GARRE1: variants seen among roughly 807,000 people sequenced by gnomAD.
The protein encoded by GARRE1 is granule associated Rac and RHOG effector 1, also known as granule associated Rac and RHOG effector protein 1.
In GARRE1, 49 loss-of-function variants were observed where a neutral mutation model predicts 103.2. The observed-to-expected ratio is 0.47, with a 90% CI of 0.38 to 0.60. GARRE1 has a LOEUF of 0.60. Among genes scored for constraint, GARRE1 ranks in the 20% least tolerant of loss-of-function variants. The probability of loss-of-function intolerance (pLI) is 0.00; values close to 1 mark genes in which losing one functional copy is unlikely to be tolerated. For missense variants in GARRE1, 1,199 were observed against 1,370.5 expected (o/e 0.87, Z 1.98); for synonymous variants, 505 against 532.8 (o/e 0.95, Z 0.72).
intron 3 of GARRE1, among the ~76,000 whole-genome samples, chr19:34,320,715 C>A (rs2074083194): frequency 2.7e-5 from 4 of 149,900 alleles, no homozygotes; most frequent in African/African-American, 5.0e-5. Flanking sequence ...TTAAGTTTTT[C>A]TTTTTCTTTT....
At chr19:34,256,282 C>G (rs1188169010) in intron 1 of GARRE1, among the ~76,000 whole-genome samples, 7 of 151,184 alleles carry the variant, frequency 4.6e-5, no homozygotes, top group Admixed American at 4.6e-4. Context: ...GAGGCCGAGG[C>G]GGGCGGATCA....
At chr19:34,340,758 A>G (rs2074181956) in intron 9 of GARRE1, among the ~76,000 whole-genome samples, 1 of 152,106 alleles carries the variant, frequency 6.6e-6, no homozygotes, top group South Asian at 2.1e-4. Flanking sequence ...CCTGACCTCA[A>G]GTGCCTGCCT....
At position 34,320,093 on chromosome 19, in the gene GARRE1, C is replaced by A; in HGVS notation, c.682C>A (p.Arg228=). Residue 228 remains arginine, a synonymous_variant, in exon 3 of 14, where the codon CGG becomes AGG. Transcript: ENST00000299505. The part of the protein sequence containing the change: ...GHTPEVEEAV[R]SWRGAAEATS... Reference sequence around the variant, plus strand: ...CACACCTGAAGTAGAGGAAGCTGTGCGGTCCTGGCGGGGGGCTGCTGAGGT... The same window carrying A: ...CACACCTGAAGTAGAGGAAGCTGTGAGGTCCTGGCGGGGGGCTGCTGAGGT... 6.2e-7 allele frequency: 1 copy of A among 1,614,010 alleles called. No homozygotes were observed. The highest frequency in any genetic ancestry group is 1.3e-5 in the African/African-American group (1 of 75,056).
Position 34,300,771 on chromosome 19 carries a change from CT to C in GARRE1, c.299del (p.Leu100ProfsTer32). Reference sequence around the variant, plus strand: ...CCGTGCCAGTACTTTCCTCACAGATCTCTTCAGCACTGTGTTCAGGAACTCT... The same window carrying C: ...CCGTGCCAGTACTTTCCTCACAGATCCTTCAGCACTGTGTTCAGGAACTCT... Reference protein sequence around the residue: ...FCRASTFLTDLFSTVFRNSHY... With the variant: ...FCRASTFLTDXFSTVFRNSHY... On this transcript the variant is annotated frameshift_variant, in exon 2 of 14. Coordinates refer to ENST00000299505, the MANE Select transcript of GARRE1 (RefSeq NM_014686.5). LOFTEE classifies it high-confidence loss of function. 1.2e-6 allele frequency: 2 copies of C among 1,614,242 alleles called. No individual in the cohort carries two copies. The highest frequency in any genetic ancestry group is 1.7e-5 in the Admixed American group (1 of 60,034).
intron 2 of GARRE1, among the ~76,000 whole-genome samples, chr19:34,303,372 C>T (rs2145244517): frequency 6.6e-6 from 1 of 152,212 alleles, no homozygotes. Context: ...TATTTAGGTG[C>T]CTGAATAAGC....
intron 2 of GARRE1, among the ~76,000 whole-genome samples, chr19:34,305,093 G>A (rs1043048311): frequency 2.6e-5 from 4 of 152,174 alleles, no homozygotes; most frequent in Non-Finnish European, 1.5e-5. Context: ...TGCCCGGCGG[G>A]CTTGTCATAA....
chr19:34,319,393 C>T (rs2074074810), intron 2 of GARRE1, among the ~76,000 whole-genome samples: 1 of 152,154 alleles, frequency 6.6e-6, no homozygotes, highest in Admixed American at 6.5e-5. Flanking sequence ...GGAATGATGA[C>T]ATACAACTAT....
At chr19:34,295,743 C>T (rs1265888719) in intron 1 of GARRE1, among the ~76,000 whole-genome samples, 8 of 152,098 alleles carry the variant, frequency 5.3e-5, no homozygotes, top group Admixed American at 5.2e-4. Context: ...GTTGTTCAGA[C>T]TAGTCTCAAA....
intron 2 of GARRE1, among the ~76,000 whole-genome samples, chr19:34,313,633 A>G (rs752742952): frequency 9.9e-5 from 15 of 152,148 alleles, no homozygotes; most frequent in Admixed American, 2.0e-4. Context: ...TCAGTTTATC[A>G]ATAGTATTCT....
chr19:34,346,332 C>T (rs1354177070), intron 10 of GARRE1, among the ~76,000 whole-genome samples: 1 of 152,142 alleles, frequency 6.6e-6, no homozygotes, highest in African/African-American at 2.4e-5. Context: ...TGTATATCCC[C>T]GTTCAGCATT....
rs1300503405 is a variant in GARRE1 at position 34,353,023 on chromosome 19, C to T, written c.*68C>T. On this transcript the variant is annotated 3_prime_UTR_variant, in exon 14 of 14. Coordinates refer to ENST00000299505, the MANE Select transcript of GARRE1 (RefSeq NM_014686.5). ...AGAGCTGTGGGGATGAGTGTCCCCA[C>T]CCCAGGGCCACTTAGCTGACACCAG... 3 of 1,379,142 alleles carry T rather than the reference C, an allele frequency of 2.2e-6. No homozygotes were observed. Among genetic ancestry groups the T allele is most frequent in the African/African-American group, 2.9e-5 (2 of 69,622 alleles). The allele number at this position is 1,379,142 out of a possible 1,614,324, so 85.4% of individuals were successfully genotyped here. A position where few individuals can be genotyped will look rare whatever the true frequency, so the allele number is the denominator to read the frequency against.
intron 1 of GARRE1, chr19:34,296,403 T>C: frequency 6.5e-7 from 1 of 1,546,282 alleles, no homozygotes; most frequent in East Asian, 2.2e-5. Flanking sequence ...CCTGAGTCCC[T>C]TGGCAGTGCG....
intron 1 of GARRE1, among the ~76,000 whole-genome samples, chr19:34,274,913 C>T (rs909527988): frequency 6.6e-6 from 1 of 152,152 alleles, no homozygotes; most frequent in African/African-American, 2.4e-5. Context: ...GGCATTTTCT[C>T]TTGCCTGGAT....
intron 3 of GARRE1, among the ~76,000 whole-genome samples, chr19:34,323,675 T>A (rs903185611): frequency 7.9e-5 from 12 of 152,132 alleles, no homozygotes; most frequent in Non-Finnish European, 1.5e-4. Context: ...CAACCCTCGG[T>A]GTCCTCCTGG....
intron 1 of GARRE1, among the ~76,000 whole-genome samples, chr19:34,279,098 T>C (rs1390531903): frequency 6.6e-6 from 1 of 152,234 alleles, no homozygotes; most frequent in East Asian, 1.9e-4. Flanking sequence ...TCGGTGAACA[T>C]GGGTGAAGAA....
rs1568316011 is a variant in GARRE1, at chr19:34,353,671, TG to T, written c.*718del. 2.0e-5 allele frequency: 3 copies of T among 152,214 alleles called. No individual in the cohort carries two copies. The highest frequency in any genetic ancestry group is 7.2e-5 in the African/African-American group (3 of 41,434). The allele number at this position is 152,214 out of a possible 1,614,324, so 9.4% of individuals were successfully genotyped here. ...TCCCAGCTTTATTGAAGCAGAATGGTGGAACTTGTGCCGGAGGTACACTGCT... is the reference window on the plus strand; with the variant it reads ...TCCCAGCTTTATTGAAGCAGAATGGTGAACTTGTGCCGGAGGTACACTGCT... On this transcript the variant is annotated 3_prime_UTR_variant, in exon 14 of 14. Coordinates refer to ENST00000299505, the MANE Select transcript of GARRE1 (RefSeq NM_014686.5).
chr19:34,294,929 G>A (rs1599760066), intron 1 of GARRE1, among the ~76,000 whole-genome samples: 2 of 152,212 alleles, frequency 1.3e-5, no homozygotes, highest in East Asian at 1.9e-4. Context: ...TGCCCACCTC[G>A]GCCTCCCAAA....
intron 2 of GARRE1, among the ~76,000 whole-genome samples, chr19:34,310,833 C>G (rs1271356962): frequency 6.6e-6 from 1 of 152,158 alleles, no homozygotes; most frequent in African/African-American, 2.4e-5. Flanking sequence ...AGGGCCAGCC[C>G]TCATACCAGA....
At chr19:34,320,905 CTT>C (rs35585974) in intron 3 of GARRE1, among the ~76,000 whole-genome samples, 10 of 125,070 alleles carry the variant, frequency 8.0e-5, no homozygotes, top group Middle Eastern at 4.1e-3. Flanking sequence ...ATTATTATTA[CTT>C]TTTTTTTTTT....
Sources: allele counts gnomAD v4.1 joint callset (sites outside exome capture counted in the v4.1 genomes callset), GRCh38; gene constraint gnomAD v4.1.1; transcripts MANE v1.5; gene names NCBI Gene and HGNC (gene_info 2026-07-23, HGNC 2026-07-21).